Variants in NTNG1 observed in about 807,000 individuals in gnomAD.
NTNG1 encodes netrin-G1.
NTNG1 carries 16 observed loss-of-function variants against 54.0 expected under a neutral mutation model. That is an observed-to-expected ratio of 0.30 (90% CI 0.20 to 0.45). The LOEUF (loss-of-function observed/expected upper bound fraction) is 0.45, where lower values mean the gene tolerates loss of function less well. Among genes scored for constraint, NTNG1 ranks in the 20% least tolerant of loss-of-function variants. The pLI, the probability that NTNG1 is intolerant of heterozygous loss-of-function variation, is 1.00. For missense variants in NTNG1, 530 were observed against 678.7 expected (o/e 0.78, Z 2.43); for synonymous variants, 255 against 263.1 (o/e 0.97, Z 0.30).
intron 7 of NTNG1, among the ~76,000 whole-genome samples, chr1:107,470,650 T>C (rs546016526): frequency 2.0e-5 from 3 of 152,360 alleles, no homozygotes; most frequent in Admixed American, 2.0e-4. Flanking sequence ...TGCCTCCCCA[T>C]GAATTCCATC....
At chr1:107,145,685 T>G (rs771549996) in intron 1 of NTNG1, among the ~76,000 whole-genome samples, 15 of 152,136 alleles carry the variant, frequency 9.9e-5, no homozygotes, top group Non-Finnish European at 1.6e-4. Flanking sequence ...ACTGGTTATG[T>G]GCCAGAAATT....
At chr1:107,324,952 G>C in intron 3 of NTNG1, 30 bp downstream of exon 3, 1 of 1,575,852 alleles carries the variant, frequency 6.3e-7, no homozygotes, top group Non-Finnish European at 8.6e-7. Flanking sequence ...CCTTCAATGG[G>C]AACGGGTGTG....
chr1:107,194,353 A>G (rs1254063073), intron 2 of NTNG1, among the ~76,000 whole-genome samples: 1 of 151,944 alleles, frequency 6.6e-6, no homozygotes, highest in Non-Finnish European at 1.5e-5. Flanking sequence ...TTTTCCTATT[A>G]TTCCTTAGTT....
intron 2 of NTNG1, among the ~76,000 whole-genome samples, chr1:107,220,077 T>G (rs1660238578): frequency 6.6e-6 from 1 of 152,150 alleles, no homozygotes; most frequent in Admixed American, 6.5e-5. Flanking sequence ...GGAGTGTGGT[T>G]TCCAGGCCAA....
intron 7 of NTNG1, among the ~76,000 whole-genome samples, chr1:107,465,447 C>A (rs1558019988): frequency 6.6e-6 from 1 of 152,132 alleles, no homozygotes; most frequent in African/African-American, 2.4e-5. Flanking sequence ...ACAAGAAATG[C>A]ACATGGAAAA....
chr1:107,301,747 G>C (rs181988072), intron 2 of NTNG1, among the ~76,000 whole-genome samples: 2 of 152,064 alleles, frequency 1.3e-5, no homozygotes, highest in Non-Finnish European at 2.9e-5. Context: ...CAAGTTCAAC[G>C]TCATTTTAAT....
At chr1:107,366,505 A>T (rs1670601846) in intron 3 of NTNG1, among the ~76,000 whole-genome samples, 1 of 152,236 alleles carries the variant, frequency 6.6e-6, no homozygotes, top group African/African-American at 2.4e-5. Flanking sequence ...AGAGTCAAGG[A>T]TGATGTTCCA....
At chr1:107,257,216 A>C (rs953158705) in intron 2 of NTNG1, among the ~76,000 whole-genome samples, 1 of 152,256 alleles carries the variant, frequency 6.6e-6, no homozygotes, top group African/African-American at 2.4e-5. Context: ...AGTTTAAATC[A>C]TAATTCATAA....
rs1216345914 is a variant in NTNG1 at position 107,407,672 on chromosome 1, T to C, written c.1061-10T>C. On this transcript the variant is annotated splice_polypyrimidine_tract_variant and intron_variant, in intron 4 of 7. Transcript: ENST00000370068. ...TAACAGCTTTTCTTTATTGTTTTCT[T>C]TTTCTCCAGGTATCCCCAGTATTTC... is the stretch of plus-strand genomic sequence containing the variant. 10 of 1,596,874 alleles carry C rather than the reference T, an allele frequency of 6.3e-6. No individual in the cohort carries two copies. Among genetic ancestry groups the C allele is most frequent in the Non-Finnish European group, 8.5e-6 (10 of 1,171,504 alleles).
chr1:107,458,424 T>C (rs542764089), intron 7 of NTNG1, among the ~76,000 whole-genome samples: 1 of 152,264 alleles, frequency 6.6e-6, no homozygotes, highest in South Asian at 2.1e-4. Flanking sequence ...GAGGCAAAAT[T>C]ATTTTCAATG....
intron 7 of NTNG1, among the ~76,000 whole-genome samples, chr1:107,470,415 T>C (rs1677907553): frequency 6.6e-6 from 1 of 152,194 alleles, no homozygotes; most frequent in Non-Finnish European, 1.5e-5. Flanking sequence ...TAAAGTTTAT[T>C]GCACTCCTAC....
At chr1:107,364,235 G>A (rs182316440) in intron 3 of NTNG1, among the ~76,000 whole-genome samples, 10 of 151,880 alleles carry the variant, frequency 6.6e-5, no homozygotes, top group East Asian at 3.9e-4. Flanking sequence ...TTTTGTATTC[G>A]GAATTTTAAT....
chr1:107,283,042 C>T (rs183154005), intron 2 of NTNG1, among the ~76,000 whole-genome samples: 66 of 152,146 alleles, frequency 4.3e-4, no homozygotes, highest in Admixed American at 2.1e-3. Context: ...ATCTGATCAC[C>T]TCTCAAAGGC....
intron 2 of NTNG1, among the ~76,000 whole-genome samples, chr1:107,189,018 G>A (rs953509297): frequency 2.6e-5 from 4 of 152,098 alleles, no homozygotes; most frequent in Non-Finnish European, 4.4e-5. Flanking sequence ...GAAAGAATAG[G>A]TGTTGGTGTA....
chr1:107,317,633 C>T (rs1667410415), intron 2 of NTNG1, among the ~76,000 whole-genome samples: 1 of 152,196 alleles, frequency 6.6e-6, no homozygotes, highest in Non-Finnish European at 1.5e-5. Context: ...AAATTCCAAC[C>T]ATAATCCTCT....
At chr1:107,279,390 T>C (rs1664682410) in intron 2 of NTNG1, among the ~76,000 whole-genome samples, 1 of 152,180 alleles carries the variant, frequency 6.6e-6, no homozygotes, top group Admixed American at 6.5e-5. Flanking sequence ...TCTTCCCTCT[T>C]GAATTCATGT....
chr1:107,432,170 A>G (rs1272358353), intron 6 of NTNG1, among the ~76,000 whole-genome samples: 1 of 152,196 alleles, frequency 6.6e-6, no homozygotes, highest in Non-Finnish European at 1.5e-5. Flanking sequence ...TGTGTGCCAT[A>G]GGTAAGTCAT....
Position 107,395,141 on chromosome 1 carries a change from C to G in NTNG1, c.888-13C>G. The G allele has an allele frequency of 1.2e-6, 2 of 1,607,590 alleles. No individual in the cohort carries two copies. Among genetic ancestry groups the G allele is most frequent in the African/African-American group, 1.3e-5 (1 of 74,822 alleles). On this transcript the variant is annotated splice_polypyrimidine_tract_variant and intron_variant, in intron 3 of 7. Coordinates refer to ENST00000370068, the MANE Select transcript of NTNG1 (RefSeq NM_001113226.3). ...TTATCTGACAATGAACTCTTTGTCT[C>G]TCCTCTGCCCAGGTGCAAGTGTAAT...
At chr1:107,214,975 ATTGT>A (rs1659857401) in intron 2 of NTNG1, among the ~76,000 whole-genome samples, 1 of 150,430 alleles carries the variant, frequency 6.6e-6, no homozygotes, top group Admixed American at 6.6e-5. Flanking sequence ...TTTTGATGGG[ATTGT>A]TTGTTTTTTC....
Sources: gnomAD v4.1 joint callset for allele counts (sites outside exome capture counted in the v4.1 genomes callset) on GRCh38, gnomAD v4.1.1 for gene constraint, MANE v1.5 for transcripts, NCBI Gene and HGNC (gene_info 2026-07-23, HGNC 2026-07-21) for gene names.